Variants in URB2 observed in about 807,000 individuals in gnomAD.
The protein encoded by URB2 is unhealthy ribosome biogenesis protein 2 homolog.
In URB2, 86 loss-of-function variants were observed where a neutral mutation model predicts 120.9. The ratio of observed to expected loss-of-function variants is 0.71; its 90% CI spans 0.60 to 0.85. URB2 has a LOEUF of 0.85. Among genes scored for constraint, URB2 ranks in the 40% least tolerant of loss-of-function variants. The pLI is 0.00. For synonymous variants in URB2, 755 were observed against 758.4 expected, an observed-to-expected ratio of 1.00 and a Z score of 0.07; for missense variants, 1,765 against 1,836.5, an observed-to-expected ratio of 0.96 and a Z score of 0.71.
In URB2 at chr1:229,647,750, A is replaced by G. The variant is rs892039673; in HGVS notation, c.4147A>G (p.Lys1383Glu). ...VLFSILQCHP[K>E]VMLKAIPSFL... ...CTTCTCAATCCTGCAGTGTCACCCT[A>G]AGGTGAGAAGGAGGGTGAGAGTGGC... The change falls in exon 7 of 10, where the codon AAG becomes GAG. Residue 1383 changes from lysine to glutamate, a missense_variant and splice_region_variant. Physicochemically the swap from Lys to Glu is moderately conservative, Grantham distance 56. Transcript: ENST00000258243. 7.4e-6 allele frequency: 12 copies of G among 1,611,774 alleles called. No individual in the cohort carries two copies. Among genetic ancestry groups the G allele is most frequent in the Non-Finnish European group, 9.3e-6 (11 of 1,178,336 alleles).
chr1:229,646,178 T>A (rs905466333), intron 6 of URB2, among the ~76,000 whole-genome samples: 2 of 152,078 alleles, frequency 1.3e-5, no homozygotes, highest in African/African-American at 4.8e-5. Flanking sequence ...GGAAGGGAAG[T>A]GCTAACAAGG....
chr1:229,639,428 G>A (rs202045457), intron 4 of URB2, among the ~76,000 whole-genome samples: 28 of 148,550 alleles, frequency 1.9e-4, no homozygotes, highest in Admixed American at 1.7e-3. Context: ...TCCGCTTCCC[G>A]GGTTCATGCC....
rs747674189 is a variant in URB2 at position 229,636,975 on chromosome 1, C to G, written c.2362C>G (p.Leu788Val). 6.2e-7 allele frequency: 1 copy of G among 1,614,152 alleles called. No individual in the cohort carries two copies. Among genetic ancestry groups the G allele is most frequent in the Non-Finnish European group, 8.5e-7 (1 of 1,180,040 alleles). ...AATAGATGAAGAGGCATACATCACA[C>G]TGGAAAAAATATCCAAAGCCTTCCT... Reference protein sequence around the residue: ...VSIDEEAYITLEKISKAFLHS... With the variant: ...VSIDEEAYITVEKISKAFLHS... The change falls in exon 4 of 10, where the codon CTG becomes GTG. Residue 788 changes from leucine (L) to valine (V), a missense_variant. Coordinates refer to ENST00000258243, the MANE Select transcript of URB2 (RefSeq NM_014777.4).
At chr1:229,630,198 A>G (rs1436247665) in intron 2 of URB2, among the ~76,000 whole-genome samples, 1 of 152,212 alleles carries the variant, frequency 6.6e-6, no homozygotes, top group South Asian at 2.1e-4. Context: ...TTCTTTCCAG[A>G]AGATCTTCAG....
chr1:229,647,468 G>A, intron 6 of URB2, 42 bp from the exon 7 acceptor site: 5 of 1,592,462 alleles, frequency 3.1e-6, no homozygotes, highest in Non-Finnish European at 4.3e-6. Flanking sequence ...ATTTCCTTGG[G>A]GAATTACTTT....
Position 229,645,527 on chromosome 1 carries a change from C to T in URB2, c.3796-332C>T, listed in dbSNP as rs184240307. On this transcript the variant is annotated intron_variant, in intron 5 of 9. Transcript: ENST00000258243. ...CTGCGTGGACAGAGCCTTGACAAGACGGGCTCTCTGTAATTAGGTCACAGT... is the reference window on the plus strand; with the variant it reads ...CTGCGTGGACAGAGCCTTGACAAGATGGGCTCTCTGTAATTAGGTCACAGT... Among the ~76,000 whole-genome samples, 79 of 152,270 alleles carry T rather than the reference C, an allele frequency of 5.2e-4. 1 individual carries two copies. Among genetic ancestry groups the T allele is most frequent in the Admixed American group, 2.3e-3 (35 of 15,296 alleles).
chr1:229,635,188 G>C lies in URB2; in HGVS notation c.575G>C (p.Arg192Pro), dbSNP rs760578029. ...CTGCAGCAGCAGGTCAACCCAAGAC[G>C]TGCCTTTGGGGATGTGACTGCTCAC... Reference protein sequence around the residue: ...LILQQQVNPRRAFGDVTAHLL... With the variant: ...LILQQQVNPRPAFGDVTAHLL... The change falls in exon 4 of 10, where the codon CGT (arginine) becomes CCT (proline). Residue 192 changes from arginine (R) to proline (P), a missense_variant. By Grantham distance (103) the Arg-to-Pro change is moderately radical. Coordinates refer to ENST00000258243, the MANE Select transcript of URB2 (RefSeq NM_014777.4). 2 of 1,614,252 alleles carry C rather than the reference G, an allele frequency of 1.2e-6. No individual in the cohort carries two copies. Among genetic ancestry groups the C allele is most frequent in the Non-Finnish European group, 1.7e-6 (2 of 1,180,056 alleles).
chr1:229,626,780 G>A (rs925847190), intron 1 of URB2, among the ~76,000 whole-genome samples: 3 of 152,240 alleles, frequency 2.0e-5, no homozygotes, highest in Non-Finnish European at 2.9e-5. Flanking sequence ...TAGCTGTCGC[G>A]ATGGCGGTTC....
intron 2 of URB2, among the ~76,000 whole-genome samples, chr1:229,630,582 T>A (rs1665632665): frequency 6.6e-6 from 1 of 152,194 alleles, no homozygotes; most frequent in Non-Finnish European, 1.5e-5. Context: ...TTGGGGATGG[T>A]AAATGAGCAC....
chr1:229,647,561 G>A lies in URB2; in HGVS notation c.3958G>A (p.Gly1320Arg), dbSNP rs143163378. ...QEQPVSLTVV[G>R]PVLDVLAALL... Reference sequence around the variant, plus strand: ...GCAGCCTGTGTCCCTCACAGTGGTCGGGCCTGTCTTAGATGTCCTGGCTGC... The same window carrying A: ...GCAGCCTGTGTCCCTCACAGTGGTCAGGCCTGTCTTAGATGTCCTGGCTGC... Residue 1320 changes from glycine to arginine, a missense_variant, in exon 7 of 10, where the codon GGG becomes AGG. By Grantham distance (125) the Gly-to-Arg change is moderately radical (BLOSUM62 -2). Transcript: ENST00000258243. 3,224 of 1,614,160 alleles carry A rather than the reference G, an allele frequency of 2.0e-3. 8 individuals are homozygous for A. Among genetic ancestry groups the A allele is most frequent in the Non-Finnish European group, 2.1e-3 (2,502 of 1,180,032 alleles).
rs574302423 is a variant in URB2 at position 229,626,980 on chromosome 1, C to G, written c.-14+624C>G. On this transcript the variant is annotated intron_variant, in intron 1 of 9. Coordinates refer to ENST00000258243, the MANE Select transcript of URB2 (RefSeq NM_014777.4). ...TTAGGAAACTCAAAGCCAAGTTTAC[C>G]CAGTTTAATAGTAACTGTAGGTGTT... Among the ~76,000 whole-genome samples, 6 of 152,024 alleles carry G rather than the reference C, an allele frequency of 3.9e-5. No individual in the cohort carries two copies. In the South Asian group the frequency reaches 1.3e-3, roughly 32 times the overall value.
intron 3 of URB2, 51 bp downstream of exon 3, chr1:229,632,496 T>G (rs1281130798): frequency 6.9e-7 from 1 of 1,447,242 alleles, no homozygotes; most frequent in Admixed American, 2.8e-5. Context: ...CATTGATTTC[T>G]TGTTAATGCT....
At chr1:229,627,892 A>G (rs1219424987) in intron 2 of URB2, 133 bp downstream of exon 2, 2 of 1,136,040 alleles carry the variant, frequency 1.8e-6, no homozygotes, top group Non-Finnish European at 2.4e-6. Flanking sequence ...TGGAAGTTAA[A>G]TGTAATGTCA....
In URB2 at chr1:229,627,748, A is replaced by G. The variant is rs765730755; in HGVS notation, c.115A>G (p.Asn39Asp). The G allele has an allele frequency of 1.2e-6, 2 of 1,609,876 alleles. No homozygotes were observed. The highest frequency in any genetic ancestry group is 3.4e-5 in the Admixed American group (2 of 59,572). The change falls in exon 2 of 10, where the codon AAT becomes GAT. Residue 39 changes from asparagine (N) to aspartate (D), a missense_variant. By Grantham distance (23) the Asn-to-Asp change is conservative. Transcript: ENST00000258243. ...AWISHQCFLP[N>D]KEQVLLDWAR... ...GATTTCTCACCAGTGCTTTCTTCCA[A>G]ATAAAGAACAAGTAAGTTTAATGTG...
chr1:229,642,897 GAAACT>G (rs1666046785), intron 4 of URB2, among the ~76,000 whole-genome samples: 1 of 152,144 alleles, frequency 6.6e-6, no homozygotes, highest in African/African-American at 2.4e-5. Context: ...TGACTCTCTA[GAAACT>G]AAACTACTGA....
chr1:229,639,461 A>G (rs982778764), intron 4 of URB2, among the ~76,000 whole-genome samples: 5 of 151,754 alleles, frequency 3.3e-5, no homozygotes, highest in African/African-American at 1.2e-4. Context: ...CAGCCTCCCA[A>G]GTAACTGGGA....
chr1:229,640,169 T>C (rs1665969101), intron 4 of URB2, among the ~76,000 whole-genome samples: 1 of 152,228 alleles, frequency 6.6e-6, no homozygotes, highest in Non-Finnish European at 1.5e-5. Context: ...ATTTTCTTAT[T>C]TTGTACACTT....
Position 229,647,526 on chromosome 1 carries a change from C to T in URB2, c.3923C>T (p.Ala1308Val). ...VTALTLLNRE[A>V]SQEQPVSLTV... is the part of the protein sequence containing the mutation. ...GCCCTTTAGCTCTTAAACCGAGAAG[C>T]TTCTCAGGAGCAGCCTGTGTCCCTC... is the stretch of plus-strand genomic sequence containing the variant. The change falls in exon 7 of 10, where the codon GCT becomes GTT. Residue 1308 changes from alanine (A) to valine (V), a missense_variant. Ala to Val is a moderately conservative substitution (Grantham distance 64). Coordinates refer to ENST00000258243, the MANE Select transcript of URB2 (RefSeq NM_014777.4). 1 of 1,613,738 alleles carries T rather than the reference C, an allele frequency of 6.2e-7. No homozygotes were observed. The highest frequency in any genetic ancestry group is 1.1e-5 in the South Asian group (1 of 91,052).
chr1:229,628,270 A>ATACATAT (rs1192348490), intron 2 of URB2, among the ~76,000 whole-genome samples: 3 of 66,678 alleles, frequency 4.5e-5, no homozygotes, highest in African/African-American at 1.4e-4. Context: ...TATGTATATA[A>ATACATAT]ATTAGTCAGA....
Sources: gnomAD v4.1 joint callset for allele counts (sites outside exome capture counted in the v4.1 genomes callset) on GRCh38, gnomAD v4.1.1 for gene constraint, MANE v1.5 for transcripts, NCBI Gene and HGNC (gene_info 2026-07-23, HGNC 2026-07-21) for gene names.